PIGN: variants seen among roughly 807,000 people sequenced by gnomAD.
PIGN encodes phosphatidylinositol glycan anchor biosynthesis class N.
In PIGN, 117 loss-of-function variants were observed where a neutral mutation model predicts 125.4. The observed-to-expected ratio is 0.93, with a 90% CI of 0.80 to 1.09. The LOEUF is 1.09. PIGN is among the 50% of genes least tolerant of loss of function. The pLI, the probability that PIGN is intolerant of heterozygous loss-of-function variation, is 0.00. For missense variants in PIGN, 1,075 were observed against 1,094.9 expected, an observed-to-expected ratio of 0.98 and a Z score of 0.26; for synonymous variants, 392 against 377.8, an observed-to-expected ratio of 1.04 and a Z score of -0.44.
At chr18:62,173,688 G>A (rs560128821) in intron 1 of PIGN, among the ~76,000 whole-genome samples, 2 of 152,274 alleles carry the variant, frequency 1.3e-5, no homozygotes, top group Admixed American at 6.5e-5. Context: ...TAGAATAAAC[G>A]TATGTCAAGT....
chr18:62,083,868 C>T (rs2033565836), intron 27 of PIGN, among the ~76,000 whole-genome samples: 1 of 152,096 alleles, frequency 6.6e-6, no homozygotes, highest in African/African-American at 2.4e-5. Context: ...CACCTTTAAC[C>T]ATTTTTATTC....
intron 23 of PIGN, among the ~76,000 whole-genome samples, chr18:62,095,549 GAC>G (rs1201134175): frequency 6.6e-6 from 1 of 152,014 alleles, no homozygotes. Context: ...AAATCAATGA[GAC>G]AAAATTCTTC....
At position 62,088,811 on chromosome 18, in the gene PIGN, T is replaced by C; in HGVS notation, c.2315A>G (p.Asp772Gly). 6.4e-7 allele frequency: 1 copy of C among 1,558,162 alleles called. No homozygotes were observed. The highest frequency in any genetic ancestry group is 1.2e-5 in the South Asian group (1 of 84,644). Residue 772 changes from aspartate to glycine, a missense_variant, in exon 25 of 31, where the codon GAT (aspartate) becomes GGT (glycine). Coordinates refer to ENST00000640252, the MANE Select transcript of PIGN (RefSeq NM_176787.5). ...LTSIQFSYNT[D>G]ITQFRQLYLD... Reference sequence around the variant, plus strand: ...ATATAGCTGTCGAAACTGAGTTATATCAGTATTATAAGAGAACTGGATACT... The same window carrying C: ...ATATAGCTGTCGAAACTGAGTTATACCAGTATTATAAGAGAACTGGATACT...
chr18:62,157,440 A>G (rs2036780074), intron 5 of PIGN, among the ~76,000 whole-genome samples: 1 of 152,194 alleles, frequency 6.6e-6, no homozygotes, highest in Non-Finnish European at 1.5e-5. Context: ...TGAACTTTCA[A>G]GAGTAATATC....
intron 29 of PIGN, among the ~76,000 whole-genome samples, chr18:62,073,761 T>C (rs1461275331): frequency 1.3e-5 from 2 of 152,218 alleles, no homozygotes; most frequent in African/African-American, 4.8e-5. Flanking sequence ...TAGTTACTTC[T>C]GGCATGGGAT....
Position 62,143,326 on chromosome 18 carries a change from T to C in PIGN, c.943A>G (p.Lys315Glu). The C allele has an allele frequency of 1.3e-6, 2 of 1,528,056 alleles. No individual in the cohort carries two copies. The highest frequency in any genetic ancestry group is 9.0e-7 in the Non-Finnish European group (1 of 1,113,438). 94.7% of individuals were successfully genotyped at this position (1,528,056 alleles called of 1,614,324 possible). The change falls in exon 11 of 31, where the codon AAG (lysine) becomes GAG (glutamate). Residue 315 changes from lysine (K) to glutamate (E), a missense_variant. By Grantham distance (56) the Lys-to-Glu change is moderately conservative. This residue lies in a region of PIGN where 915 missense variants were observed against 908.7 expected (regional missense o/e 1.01). Coordinates refer to ENST00000640252, the MANE Select transcript of PIGN (RefSeq NM_176787.5). The stretch of plus-strand genomic sequence containing the variant: ...GATACCTGATTGACATCTAGCCTCT[T>C]CCAATTCTCCAATCTCCACTCTGAA... The part of the protein sequence containing the change: ...FLKEWRLENW[K>E]RLDVNQADIA...
intron 30 of PIGN, among the ~76,000 whole-genome samples, chr18:62,066,465 A>G (rs1244485804): frequency 2.6e-5 from 4 of 152,246 alleles, no homozygotes; most frequent in Non-Finnish European, 4.4e-5. Flanking sequence ...TAATGTAAAT[A>G]GAGTAGCACA....
chr18:62,055,229 C>T (rs961135520), intron 30 of PIGN, among the ~76,000 whole-genome samples: 4 of 152,128 alleles, frequency 2.6e-5, no homozygotes, highest in African/African-American at 9.7e-5. Context: ...TCATAATAGC[C>T]AAAACCTTGA....
At chr18:62,133,770 A>G (rs1199669206) in intron 14 of PIGN, among the ~76,000 whole-genome samples, 1 of 152,196 alleles carries the variant, frequency 6.6e-6, no homozygotes, top group Non-Finnish European at 1.5e-5. Flanking sequence ...TAGAATATCT[A>G]TTTATTTTGA....
intron 25 of PIGN, among the ~76,000 whole-genome samples, chr18:62,087,298 G>C (rs1026377037): frequency 6.6e-6 from 1 of 152,174 alleles, no homozygotes; most frequent in Non-Finnish European, 1.5e-5. Flanking sequence ...GGAAAAGAAA[G>C]AGAAAACATA....
At chr18:62,165,889 T>C (rs2037115989) in intron 1 of PIGN, among the ~76,000 whole-genome samples, 1 of 152,084 alleles carries the variant, frequency 6.6e-6, no homozygotes, top group African/African-American at 2.4e-5. Flanking sequence ...ATTAAAGTGG[T>C]TGTTTGAAAA....
intron 15 of PIGN, among the ~76,000 whole-genome samples, chr18:62,114,040 T>C (rs1022436110): frequency 1.1e-4 from 16 of 152,082 alleles, no homozygotes; most frequent in Admixed American, 3.9e-4. Context: ...TTTTAAAAAA[T>C]GGTAATAGTT....
Position 62,081,656 on chromosome 18 carries a change from C to T in PIGN, c.2576+1017G>A, listed in dbSNP as rs1347829482. Among the ~76,000 whole-genome samples the T allele has an allele frequency of 9.9e-5, 15 of 152,060 alleles. No individual in the cohort carries two copies. The East Asian group carries it at 2.7e-3, about 27-fold the overall frequency. ...TGTCCCCAGCTCTTCTTATTTAAAC[C>T]TTAATTAAAATCCCTTCTAAAAATC... On this transcript the variant is annotated intron_variant, in intron 28 of 30. Coordinates refer to ENST00000640252, the MANE Select transcript of PIGN (RefSeq NM_176787.5).
In PIGN at chr18:62,041,640, G is replaced by GTGTGTGTGT. The variant is rs2030376218; in HGVS notation, c.*4215_*4216insACACACACA. On this transcript the variant is annotated 3_prime_UTR_variant, in exon 31 of 31. Coordinates refer to ENST00000640252, the MANE Select transcript of PIGN (RefSeq NM_176787.5). ...ATTACAGGAGCCTACCACCCCGCCG[G>GTGTGTGTGT]GTGTGTGTGTGTGTGTGTGTGTGTG... 9.0e-5 allele frequency: 7 copies of GTGTGTGTGT among 77,470 alleles called. No individual in the cohort carries two copies. The highest frequency in any genetic ancestry group is 5.9e-4 in the South Asian group (1 of 1,700). 4.8% of individuals were successfully genotyped at this position (77,470 alleles called of 1,614,324 possible). A position where few individuals can be genotyped will look rare whatever the true frequency, so the allele number is the denominator to read the frequency against.
chr18:62,145,356 G>A (rs980746132), intron 10 of PIGN, among the ~76,000 whole-genome samples: 61 of 152,034 alleles, frequency 4.0e-4, no homozygotes, highest in Non-Finnish European at 4.1e-4. Context: ...ATAAGAAATC[G>A]CCCTCTGAAA....
chr18:62,172,557 A>T (rs2037377440), intron 1 of PIGN, among the ~76,000 whole-genome samples: 3 of 152,158 alleles, frequency 2.0e-5, no homozygotes, highest in African/African-American at 7.2e-5. Context: ...GTACATTAAG[A>T]TGTATTTGTA....
intron 7 of PIGN, among the ~76,000 whole-genome samples, chr18:62,150,800 A>C (rs2036508848): frequency 1.3e-5 from 2 of 152,090 alleles, no homozygotes; most frequent in Admixed American, 6.6e-5. Flanking sequence ...CCCGGGTTCA[A>C]GCGATTCTCC....
intron 1 of PIGN, among the ~76,000 whole-genome samples, chr18:62,176,864 A>G (rs62096119): frequency 0.41 from 62,037 of 151,660 alleles, 13,311 homozygotes; most frequent in East Asian, 0.77. Context: ...TGATGTTTAC[A>G]TAAGATGTTT....
At chr18:62,182,378 C>G (rs1031922121) in intron 1 of PIGN, among the ~76,000 whole-genome samples, 3 of 152,218 alleles carry the variant, frequency 2.0e-5, no homozygotes, top group Non-Finnish European at 4.4e-5. Flanking sequence ...TGAGCCTTGT[C>G]TACTACCTAC....
Sources: allele counts gnomAD v4.1 joint callset (sites outside exome capture counted in the v4.1 genomes callset), GRCh38; gene constraint gnomAD v4.1.1; regional missense constraint gnomAD v4.1.1; transcripts MANE v1.5; gene names NCBI Gene and HGNC (gene_info 2026-07-23, HGNC 2026-07-21).